Variants in PANX1 observed in about 807,000 individuals in gnomAD.
PANX1 encodes the protein pannexin 1, also known as pannexin-1.
Under a neutral mutation model 38.7 loss-of-function variants are expected in PANX1, and 30 were observed. The ratio of observed to expected loss-of-function variants is 0.78; its 90% CI spans 0.58 to 1.05. The LOEUF is 1.05. Ranked by LOEUF, PANX1 falls within the 50% of genes least tolerant of loss-of-function variation. The pLI is 0.00. For synonymous variants in PANX1, 230 were observed against 212.2 expected (o/e 1.08, Z -0.73); for missense variants, 551 against 517.2 (o/e 1.07, Z -0.63).
intron 1 of PANX1, among the ~76,000 whole-genome samples, chr11:94,144,876 A>G (rs1418933199): frequency 1.3e-5 from 2 of 152,140 alleles, no homozygotes; most frequent in Non-Finnish European, 2.9e-5. Flanking sequence ...TCTCCTCTGT[A>G]AAATGGGTAT....
intron 1 of PANX1, among the ~76,000 whole-genome samples, chr11:94,132,925 G>T (rs1184119782): frequency 6.6e-6 from 1 of 152,188 alleles, no homozygotes; most frequent in Non-Finnish European, 1.5e-5. Flanking sequence ...GGTTCTCTGT[G>T]GGGGTGGGAG....
At chr11:94,140,588 C>T (rs1946750612) in intron 1 of PANX1, among the ~76,000 whole-genome samples, 1 of 152,178 alleles carries the variant, frequency 6.6e-6, no homozygotes, top group Non-Finnish European at 1.5e-5. Flanking sequence ...TGTTTATGGG[C>T]TAGTATGTTC....
chr11:94,133,396 GGTCA>G (rs1946653084), intron 1 of PANX1, among the ~76,000 whole-genome samples: 1 of 152,136 alleles, frequency 6.6e-6, no homozygotes, highest in African/African-American at 2.4e-5. Context: ...CTGGTGCCAT[GGTCA>G]AGGTGGAGGC....
chr11:94,177,382 G>A (rs987081390), intron 2 of PANX1, among the ~76,000 whole-genome samples: 1 of 151,422 alleles, frequency 6.6e-6, no homozygotes, highest in Non-Finnish European at 1.5e-5. Flanking sequence ...CACGCAAAAG[G>A]ATAGTCGAAA....
At chr11:94,151,716 G>A (rs1418872776) in intron 1 of PANX1, among the ~76,000 whole-genome samples, 2 of 152,166 alleles carry the variant, frequency 1.3e-5, no homozygotes, top group African/African-American at 2.4e-5. Flanking sequence ...AAGAACTTAA[G>A]TTTAATGGGA....
At chr11:94,178,333 T>G in intron 2 of PANX1, 36 bp from the exon 3 acceptor site, 2 of 1,503,844 alleles carry the variant, frequency 1.3e-6, no homozygotes, top group East Asian at 2.3e-5. Flanking sequence ...GCATGGGGGG[T>G]TTGTTAAGCC....
rs1243462554 is a variant in PANX1, at chr11:94,163,550, A to G, written c.321+9920A>G. Among the ~76,000 whole-genome samples the G allele has an allele frequency of 9.8e-5, 15 of 152,334 alleles. 1 individual carries two copies. In the South Asian group the frequency reaches 3.1e-3, roughly 32 times the overall value. ...TTTATTGATTTGCATATGTTGAACT[A>G]TCCTTGCATCCCTAAGATAAATCCC... is the stretch of plus-strand genomic sequence containing the variant. On this transcript the variant is annotated intron_variant, in intron 2 of 4. Coordinates refer to ENST00000227638, the MANE Select transcript of PANX1 (RefSeq NM_015368.4).
At chr11:94,141,928 G>A (rs1215439401) in intron 1 of PANX1, among the ~76,000 whole-genome samples, 2 of 152,194 alleles carry the variant, frequency 1.3e-5, no homozygotes, top group South Asian at 2.1e-4. Context: ...CTCAGCGCAG[G>A]TTAGCTGCTA....
At position 94,129,479 on chromosome 11, in the gene PANX1, A is replaced by G. The variant is rs757480669; in HGVS notation, c.167A>G (p.Gln56Arg). The G allele has an allele frequency of 2.5e-6, 4 of 1,610,508 alleles. No homozygotes were observed. Among genetic ancestry groups the G allele is most frequent in the East Asian group, 2.2e-5 (1 of 44,658 alleles). Residue 56 changes from glutamine (Q) to arginine (R), a missense_variant, in exon 1 of 5, where the codon CAG becomes CGG. Transcript: ENST00000227638. ...CTGCTCATCTCGCTGGCCTTCGCGC[A>G]GGAGATCTCGATTGGTAAGCCTCGC... ...PLLLISLAFA[Q>R]EISIGTQISC...
intron 2 of PANX1, among the ~76,000 whole-genome samples, chr11:94,154,538 C>T (rs375352488): frequency 3.9e-5 from 6 of 152,118 alleles, no homozygotes; most frequent in South Asian, 2.1e-4. Flanking sequence ...TTTTAGCTTT[C>T]GAAAACCCAA....
intron 1 of PANX1, among the ~76,000 whole-genome samples, chr11:94,142,834 G>A (rs540541319): frequency 7.2e-5 from 11 of 152,216 alleles, no homozygotes; most frequent in South Asian, 2.1e-4. Flanking sequence ...CTGTTGCCCC[G>A]TGTAGAAACG....
intron 2 of PANX1, among the ~76,000 whole-genome samples, chr11:94,161,963 T>C (rs1947043711): frequency 6.6e-6 from 1 of 152,230 alleles, no homozygotes; most frequent in African/African-American, 2.4e-5. Flanking sequence ...TGCAGGTGTG[T>C]TGGAGTTTGC....
chr11:94,167,276 T>C (rs1224681234), intron 2 of PANX1, among the ~76,000 whole-genome samples: 4 of 152,204 alleles, frequency 2.6e-5, no homozygotes, highest in Non-Finnish European at 5.9e-5. Flanking sequence ...CTTCCTACTC[T>C]CTTCAATGCC....
At chr11:94,132,710 G>C (rs1946644749) in intron 1 of PANX1, among the ~76,000 whole-genome samples, 1 of 152,042 alleles carries the variant, frequency 6.6e-6, no homozygotes, top group Non-Finnish European at 1.5e-5. Flanking sequence ...CATCTCTTTT[G>C]ATATAAAATC....
At chr11:94,131,989 G>C (rs1696439741) in intron 1 of PANX1, among the ~76,000 whole-genome samples, 1 of 152,196 alleles carries the variant, frequency 6.6e-6, no homozygotes, top group Non-Finnish European at 1.5e-5. Context: ...TTAAAACATG[G>C]CTTCATCCTT....
chr11:94,148,212 A>G (rs1237170003), intron 1 of PANX1, among the ~76,000 whole-genome samples: 1 of 152,254 alleles, frequency 6.6e-6, no homozygotes, highest in Non-Finnish European at 1.5e-5. Flanking sequence ...GACATCCAGA[A>G]TATATTTAAT....
chr11:94,169,752 G>A (rs1271190480), intron 2 of PANX1, among the ~76,000 whole-genome samples: 2 of 151,646 alleles, frequency 1.3e-5, no homozygotes, highest in African/African-American at 2.4e-5. Context: ...GCTGGAAGAC[G>A]CTGGGAGGAT....
intron 2 of PANX1, chr11:94,175,904 A>G: frequency 1.0e-6 from 1 of 984,696 alleles, no homozygotes. Flanking sequence ...AGGGCTTTGC[A>G]AAGTTTTGGG....
At chr11:94,134,158 C>G (rs1376074855) in intron 1 of PANX1, among the ~76,000 whole-genome samples, 1 of 152,150 alleles carries the variant, frequency 6.6e-6, no homozygotes, top group African/African-American at 2.4e-5. Context: ...AATCTGTGTT[C>G]AGAGTGCAGA....
Sources: gnomAD v4.1 joint callset for allele counts (sites outside exome capture counted in the v4.1 genomes callset) on GRCh38, gnomAD v4.1.1 for gene constraint, MANE v1.5 for transcripts, NCBI Gene and HGNC (gene_info 2026-07-23, HGNC 2026-07-21) for gene names.